IGSF9B: variants seen among roughly 807,000 people sequenced by gnomAD.
IGSF9B encodes the protein immunoglobulin superfamily member 9B.
In IGSF9B, 48 loss-of-function variants were observed where a neutral mutation model predicts 143.7. That is an observed-to-expected ratio of 0.33 (90% confidence interval 0.26 to 0.42). The LOEUF is 0.42. Among genes scored for constraint, IGSF9B ranks in the 20% least tolerant of loss-of-function variants. The probability of loss-of-function intolerance (pLI) is 1.00; values close to 1 mark genes in which losing one functional copy is unlikely to be tolerated. For missense variants in IGSF9B, 1,706 were observed against 1,980.0 expected, an observed-to-expected ratio of 0.86 and a Z score of 2.63; for synonymous variants, 903 against 833.1, an observed-to-expected ratio of 1.08 and a Z score of -1.44.
chr11:133,907,280 C>T lies in IGSF9B; in HGVS notation c.*1789G>A, dbSNP rs899396300. On this transcript the variant is annotated 3_prime_UTR_variant, in exon 20 of 20. Coordinates refer to ENST00000533871, the MANE Select transcript of IGSF9B (RefSeq NM_001277285.4). Reference sequence around the variant, plus strand: ...CCGGTGTGGCACAGAAGAAGTCCATCCCCTAAGATGGAAACGCCAAGAAGA... The same window carrying T: ...CCGGTGTGGCACAGAAGAAGTCCATTCCCTAAGATGGAAACGCCAAGAAGA... 6.6e-6 allele frequency among the ~76,000 whole-genome samples: 1 copy of T among 152,202 alleles called. No homozygotes were observed. The highest frequency in any genetic ancestry group is 2.4e-5 in the African/African-American group (1 of 41,458).
rs921919299 is a variant in IGSF9B, at chr11:133,907,385, T to A, written c.*1684A>T. On this transcript the variant is annotated 3_prime_UTR_variant, in exon 20 of 20. Transcript: ENST00000533871. ...AGCTGCATGAGACCAGCAGAAGCCA[T>A]CCAATGCTGCCGTGGCTCACGTCCA... Among the ~76,000 whole-genome samples the A allele has an allele frequency of 4.6e-5, 7 of 152,122 alleles. No individual in the cohort carries two copies. The highest frequency in any genetic ancestry group is 2.9e-5 in the Non-Finnish European group (2 of 68,026).
rs777319080 is a variant in IGSF9B at position 133,920,413 on chromosome 11, T to G, written c.3312A>C (p.Ala1104=). The part of the protein sequence containing the change: ...ILSLEAPKGW[A]GKSPGRGPVP... ...CAGGGCCCCTGCCGGGCGACTTGCC[T>G]GCCCAACCCTTCGGTGCCTCCAGAG... is the stretch of plus-strand genomic sequence containing the variant. Residue 1104 remains alanine, a synonymous_variant, in exon 18 of 20, where the codon GCA becomes GCC. Transcript: ENST00000533871. The G allele has an allele frequency of 1.0e-5, 16 of 1,589,576 alleles. No homozygotes were observed. In the South Asian group the frequency reaches 1.8e-4, roughly 18 times the overall value.
rs755657014 is a variant in IGSF9B at position 133,921,033 on chromosome 11, C to T, written c.2692G>A (p.Asp898Asn). 5.0e-6 allele frequency: 8 copies of T among 1,613,572 alleles called. No individual in the cohort carries two copies. Among genetic ancestry groups the T allele is most frequent in the Non-Finnish European group, 3.4e-6 (4 of 1,179,762 alleles). ...EFRQSDEENE[D>N]PLVPTSVAAL... ...GCCACAGATGTGGGCACCAGTGGGT[C>T]CTCGTTCTCCTCGTCCGACTGGCGG... Residue 898 changes from aspartate (D) to asparagine (N), a missense_variant, in exon 18 of 20, where the codon GAC (aspartate) becomes AAC (asparagine). By Grantham distance (23) the Asp-to-Asn change is conservative (BLOSUM62 1). Transcript: ENST00000533871.
At chr11:133,954,526 ATAATGT>A (rs1222352830) in intron 1 of IGSF9B, among the ~76,000 whole-genome samples, 1 of 152,208 alleles carries the variant, frequency 6.6e-6, no homozygotes, top group Non-Finnish European at 1.5e-5. Context: ...CACTGAGAAA[ATAATGT>A]TAATGTTTAC....
intron 7 of IGSF9B, among the ~76,000 whole-genome samples, chr11:133,934,578 G>A (rs542169390): frequency 1.3e-4 from 20 of 152,342 alleles, no homozygotes; most frequent in African/African-American, 3.6e-4. Flanking sequence ...GCAGAGAGGC[G>A]ATGCACTCCA....
rs762846864 is a variant in IGSF9B at position 133,931,634 on chromosome 11, G to A, written c.1251+21C>T. ...TCCAGGTGCCCAGCTCATGGAGGCC[G>A]TCACAGCCCTGGGACCTCACCTTCA... is the stretch of plus-strand genomic sequence containing the variant. On this transcript the variant is annotated intron_variant, in intron 9 of 19. Transcript: ENST00000533871. This position sits in a 1 kb window ranked among gnomAD's most constrained non-coding sequence, Gnocchi z 7.7. 75 of 1,607,788 alleles carry A rather than the reference G, an allele frequency of 4.7e-5. No individual in the cohort carries two copies. Among genetic ancestry groups the A allele is most frequent in the South Asian group, 6.6e-5 (6 of 90,648 alleles).
intron 19 of IGSF9B, 106 bp downstream of exon 19, chr11:133,911,780 G>T: frequency 9.4e-7 from 1 of 1,064,388 alleles, no homozygotes; most frequent in South Asian, 2.4e-5. Flanking sequence ...GCCCAAGGTT[G>T]GGGCCCTGAG....
chr11:133,940,244 A>C (rs1591722153), intron 3 of IGSF9B, among the ~76,000 whole-genome samples: 4 of 110,328 alleles, frequency 3.6e-5, no homozygotes, highest in Non-Finnish European at 5.4e-5. Context: ...AAAAACACAC[A>C]CCTCGCACGT....
intron 18 of IGSF9B, among the ~76,000 whole-genome samples, chr11:133,914,715 AC>A (rs1243433299): frequency 2.0e-5 from 3 of 152,176 alleles, no homozygotes; most frequent in Non-Finnish European, 4.4e-5. Context: ...GGAGGAAAAA[AC>A]AAAAGCTGGT....
chr11:133,938,624 C>G (rs544271677), intron 3 of IGSF9B, among the ~76,000 whole-genome samples: 6 of 152,276 alleles, frequency 3.9e-5, no homozygotes, highest in Admixed American at 3.9e-4. Context: ...AGACTCAGTC[C>G]CATTTGCCTG....
intron 17 of IGSF9B, 145 bp from the exon 18 acceptor site, chr11:133,921,542 G>A (rs1939538693): frequency 3.3e-6 from 2 of 601,708 alleles, no homozygotes; most frequent in African/African-American, 1.8e-5. Context: ...GAAATGCTTT[G>A]GCCAACTCTC....
intron 1 of IGSF9B, among the ~76,000 whole-genome samples, chr11:133,946,952 A>AG (rs1399409050): frequency 6.6e-6 from 1 of 152,076 alleles, no homozygotes; most frequent in Non-Finnish European, 1.5e-5. Flanking sequence ...CCTGCCGCAG[A>AG]GGGGGGAGTG....
chr11:133,909,224 C>A lies in IGSF9B; in HGVS notation c.4159G>T (p.Asp1387Tyr), dbSNP rs1025281689. The change falls in exon 20 of 20, where the codon GAT becomes TAT. Residue 1387 changes from aspartate (D) to tyrosine (Y), a missense_variant. By Grantham distance (160) the Asp-to-Tyr change is radical. Around this residue, in one of 7 missense-constraint regions of IGSF9B, gnomAD observed 880 missense variants for 762.9 expected, o/e 1.15. Transcript: ENST00000533871. This position sits in a 1 kb window ranked among gnomAD's most constrained non-coding sequence, Gnocchi z 4.2. ...TTCTTTCGGAGGCAGACAGCTTCAT[C>A]GGGCCACAGAACCTGAGAGTTGGGA... ...QLPNSQVLWP[D>Y]EAVCLRKKKR... The A allele has an allele frequency of 6.5e-7, 1 of 1,535,710 alleles. No individual in the cohort carries two copies. The highest frequency in any genetic ancestry group is 2.0e-5 in the Admixed American group (1 of 50,964).
chr11:133,918,538 T>C (rs1320951087), intron 18 of IGSF9B, among the ~76,000 whole-genome samples: 1 of 152,020 alleles, frequency 6.6e-6, no homozygotes, highest in Non-Finnish European at 1.5e-5. Context: ...AGGCGGCGGC[T>C]GCGGCTCCTC....
At position 133,931,222 on chromosome 11, in the gene IGSF9B, G is replaced by C. The variant is rs887116901; in HGVS notation, c.1369-88C>G. 7.3e-7 allele frequency: 1 copy of C among 1,373,852 alleles called. No individual in the cohort carries two copies. The highest frequency in any genetic ancestry group is 1.4e-5 in the African/African-American group (1 of 69,610). 85.1% of individuals were successfully genotyped at this position (1,373,852 alleles called of 1,614,324 possible). A position where few individuals can be genotyped will look rare whatever the true frequency, so the allele number is the denominator to read the frequency against. On this transcript the variant is annotated intron_variant, in intron 10 of 19. Transcript: ENST00000533871. This position sits in a 1 kb window ranked among gnomAD's most constrained non-coding sequence, Gnocchi z 7.7. Reference sequence around the variant, plus strand: ...AAGCAGATGGGGAGGACGCGCCTGAGACCCCGGCCCGCCCACGCTGCCCTC... The same window carrying C: ...AAGCAGATGGGGAGGACGCGCCTGACACCCCGGCCCGCCCACGCTGCCCTC...
intron 18 of IGSF9B, among the ~76,000 whole-genome samples, chr11:133,918,042 G>T (rs1939423629): frequency 6.6e-6 from 1 of 151,650 alleles, no homozygotes; most frequent in Admixed American, 6.6e-5. Flanking sequence ...GCCGGACATG[G>T]GGACGGGGGG....
intron 1 of IGSF9B, among the ~76,000 whole-genome samples, chr11:133,947,708 TTCTC>T (rs112387633): frequency 0.025 from 3,422 of 134,888 alleles, 171 homozygotes; most frequent in Admixed American, 0.12. Flanking sequence ...TCTGTGTTTG[TTCTC>T]TCTCTCTCTC....
At position 133,953,708 on chromosome 11, in the gene IGSF9B, T is replaced by G. The variant is rs1464613017; in HGVS notation, c.64+2983A>C. Among the ~76,000 whole-genome samples the G allele has an allele frequency of 6.6e-6, 1 of 152,096 alleles. No individual in the cohort carries two copies. The highest frequency in any genetic ancestry group is 2.4e-5 in the African/African-American group (1 of 41,404). ...AGAGGAGGCAGCCGTGGGAGTAAAG[T>G]CTGGGACTTTCCTCCCCTATCCAAG... On this transcript the variant is annotated intron_variant, in intron 1 of 19. Transcript: ENST00000533871. The surrounding 1 kb of genome is among the most constrained non-coding windows in gnomAD (Gnocchi z 4.2).
intron 12 of IGSF9B, among the ~76,000 whole-genome samples, chr11:133,929,180 G>A (rs1193734788): frequency 6.6e-6 from 1 of 152,130 alleles, no homozygotes; most frequent in East Asian, 1.9e-4. Context: ...ACCCTGATGC[G>A]ATTATTACAC....
Sources: gnomAD v4.1 joint callset for allele counts (sites outside exome capture counted in the v4.1 genomes callset) on GRCh38, gnomAD v4.1.1 for gene constraint, gnomAD v4.1.1 regional missense constraint, Gnocchi (gnomAD v3.1) non-coding constraint, MANE v1.5 for transcripts, NCBI Gene and HGNC (gene_info 2026-07-23, HGNC 2026-07-21) for gene names.